Variants in EDNRB observed in about 807,000 individuals in gnomAD.
EDNRB encodes the protein Hirschsprung disease 2.
Under a neutral mutation model 46.4 loss-of-function variants are expected in EDNRB, and 18 were observed. The ratio of observed to expected loss-of-function variants is 0.39; its 90% CI spans 0.27 to 0.57. The LOEUF (loss-of-function observed/expected upper bound fraction) is 0.57. Ranked by LOEUF, EDNRB falls within the 20% of genes least tolerant of loss-of-function variation. The probability of loss-of-function intolerance (pLI) is 0.61; values close to 1 mark genes in which losing one functional copy is unlikely to be tolerated. For missense variants in EDNRB, 434 were observed against 537.5 expected (o/e 0.81, Z 1.90); for synonymous variants, 213 against 204.9 (o/e 1.04, Z -0.34).
At chr13:77,949,626 C>T (rs1221465289) in intron 1 of EDNRB, among the ~76,000 whole-genome samples, 1 of 152,078 alleles carries the variant, frequency 6.6e-6, no homozygotes, top group African/African-American at 2.4e-5. Flanking sequence ...TCTAAGTCCG[C>T]TTGGGGATGA....
At chr13:77,912,607 T>C (rs768135557) in intron 1 of EDNRB, among the ~76,000 whole-genome samples, 14 of 152,150 alleles carry the variant, frequency 9.2e-5, no homozygotes, top group Non-Finnish European at 4.4e-5. Flanking sequence ...TTGTGTAGTA[T>C]TGACAGTTGC....
At chr13:77,910,175 G>A (rs1879503161) in intron 1 of EDNRB, among the ~76,000 whole-genome samples, 2 of 152,130 alleles carry the variant, frequency 1.3e-5, no homozygotes, top group South Asian at 4.1e-4. Flanking sequence ...GATTGTTTTA[G>A]AGGATGAGTG....
chr13:77,951,325 G>A (rs964030422), intron 1 of EDNRB, among the ~76,000 whole-genome samples: 1 of 151,766 alleles, frequency 6.6e-6, no homozygotes, highest in Non-Finnish European at 1.5e-5. Context: ...AAAGTCCCCC[G>A]ATTACCATCT....
chr13:77,934,642 T>C (rs1221075394), intron 1 of EDNRB, among the ~76,000 whole-genome samples: 1 of 126,488 alleles, frequency 7.9e-6, no homozygotes, highest in Admixed American at 8.5e-5. Context: ...TTGCCAGTTC[T>C]GGGCAGGGGC....
chr13:77,902,841 CA>C (rs1329296386), intron 3 of EDNRB, among the ~76,000 whole-genome samples: 17 of 151,950 alleles, frequency 1.1e-4, no homozygotes, highest in Admixed American at 2.0e-4. Flanking sequence ...GTGCTATTTT[CA>C]CTTTGTGGCA....
At chr13:77,916,600 A>G (rs1879817504) in intron 1 of EDNRB, among the ~76,000 whole-genome samples, 1 of 152,200 alleles carries the variant, frequency 6.6e-6, no homozygotes, top group Non-Finnish European at 1.5e-5. Flanking sequence ...CTTAAAATAT[A>G]GCTATTGGGT....
At position 77,896,762 on chromosome 13, in the gene EDNRB, A is replaced by G. The variant is rs1343451972; in HGVS notation, c.*1438T>C. On this transcript the variant is annotated 3_prime_UTR_variant, in exon 7 of 7. Coordinates refer to ENST00000646607, the MANE Select transcript of EDNRB (RefSeq NM_001122659.3). ...AATCTGTCCCCATGGGTTTCCTCCA[A>G]CCCCACCTCATTTCCTCTCTCTTCC... The G allele has an allele frequency of 4.5e-6, 6 of 1,341,264 alleles. No individual in the cohort carries two copies. Among genetic ancestry groups the G allele is most frequent in the Non-Finnish European group, 5.7e-6 (6 of 1,048,940 alleles). The allele number at this position is 1,341,264 out of a possible 1,614,324, so 83.1% of individuals were successfully genotyped here. A position where few individuals can be genotyped will look rare whatever the true frequency, so the allele number is the denominator to read the frequency against.
intron 1 of EDNRB, among the ~76,000 whole-genome samples, chr13:77,958,651 G>A (rs1881310324): frequency 6.6e-6 from 1 of 152,190 alleles, no homozygotes; most frequent in Non-Finnish European, 1.5e-5. Context: ...TGGGATTACA[G>A]GCGTGAGCCA....
chr13:77,911,811 G>A (rs760589004), intron 1 of EDNRB, among the ~76,000 whole-genome samples: 6 of 152,016 alleles, frequency 3.9e-5, no homozygotes, highest in South Asian at 4.1e-4. Flanking sequence ...AATTAGAGAA[G>A]TTGTTGGCTA....
At chr13:77,973,815 C>T (rs1170338993) in intron 1 of EDNRB, among the ~76,000 whole-genome samples, 1 of 151,998 alleles carries the variant, frequency 6.6e-6, no homozygotes, top group African/African-American at 2.4e-5. Context: ...AGTTCTTCAA[C>T]ATGCTTCAAC....
intron 1 of EDNRB, among the ~76,000 whole-genome samples, chr13:77,970,762 T>C (rs1881705774): frequency 1.4e-5 from 2 of 139,588 alleles, no homozygotes; most frequent in Non-Finnish European, 3.0e-5. Context: ...AATAAAATTA[T>C]ACAAACAAGT....
rs1366649507 is a variant in EDNRB at position 77,896,189 on chromosome 13, A to G, written c.*2011T>C. Reference sequence around the variant, plus strand: ...CAAAATTTGGCAAGATAATTAGAGAACATGATACTGACATGGAGAAGGAAA... The same window carrying G: ...CAAAATTTGGCAAGATAATTAGAGAGCATGATACTGACATGGAGAAGGAAA... On this transcript the variant is annotated 3_prime_UTR_variant, in exon 7 of 7. Coordinates refer to ENST00000646607, the MANE Select transcript of EDNRB (RefSeq NM_001122659.3). 1 of 198,572 alleles carries G rather than the reference A, an allele frequency of 5.0e-6. No individual in the cohort carries two copies. The highest frequency in any genetic ancestry group is 2.3e-5 in the African/African-American group (1 of 42,972). The allele number at this position is 198,572 out of a possible 1,614,324, so 12.3% of individuals were successfully genotyped here.
rs545519932 is a variant in EDNRB at position 77,960,219 on chromosome 13, C to A, written c.-52+15128G>T. On this transcript the variant is annotated intron_variant, in intron 1 of 7. Coordinates refer to the EDNRB transcript ENST00000646948. ...AAGATACTCCTCGAGAAGAGCAACT[C>A]CAAGACACATAATTATCAGATTCAC... 2.4e-4 allele frequency among the ~76,000 whole-genome samples: 36 copies of A among 152,190 alleles called. No homozygotes were observed. The South Asian group carries it at 7.5e-3, about 32-fold the overall frequency.
chr13:77,951,597 T>C (rs1881091677), intron 1 of EDNRB, among the ~76,000 whole-genome samples: 1 of 152,098 alleles, frequency 6.6e-6, no homozygotes, highest in South Asian at 2.1e-4. Flanking sequence ...AAGAAATTGA[T>C]TGGTGCAGCA....
intron 1 of EDNRB, among the ~76,000 whole-genome samples, chr13:77,917,631 A>T (rs1879876171): frequency 6.6e-6 from 1 of 152,214 alleles, no homozygotes; most frequent in South Asian, 2.1e-4. Context: ...TGACTAGAGG[A>T]TGTACCCCAT....
intron 1 of EDNRB, among the ~76,000 whole-genome samples, chr13:77,965,118 G>A (rs1319968055): frequency 3.3e-5 from 5 of 152,130 alleles, no homozygotes. Context: ...AAATGCACGT[G>A]TTCACATTTA....
At chr13:77,948,150 C>T (rs896566508) in intron 1 of EDNRB, among the ~76,000 whole-genome samples, 3 of 152,116 alleles carry the variant, frequency 2.0e-5, no homozygotes, top group African/African-American at 7.2e-5. Flanking sequence ...TCCCAAAAGT[C>T]TCTGATGTGC....
chr13:77,908,426 C>CAA (rs11359758), intron 1 of EDNRB, among the ~76,000 whole-genome samples: 1 of 124,190 alleles, frequency 8.1e-6, no homozygotes, highest in Non-Finnish European at 1.8e-5. Flanking sequence ...GAAGTTTTGC[C>CAA]AAAAAAAAAA....
intron 1 of EDNRB, among the ~76,000 whole-genome samples, chr13:77,954,869 T>A (rs1414401818): frequency 3.9e-5 from 6 of 152,180 alleles, no homozygotes; most frequent in Admixed American, 3.9e-4. Flanking sequence ...CCTTCATTTG[T>A]AATGGACATA....
Sources: gnomAD v4.1 joint callset for allele counts (sites outside exome capture counted in the v4.1 genomes callset) on GRCh38, gnomAD v4.1.1 for gene constraint, MANE v1.5 for transcripts, NCBI Gene and HGNC (gene_info 2026-07-23, HGNC 2026-07-21) for gene names.